The following TMPRSS7 variants were observed in gnomAD, a reference collection of about 807,000 sequenced individuals.
TMPRSS7 encodes transmembrane serine protease 7, also known as transmembrane protease serine 7.
In TMPRSS7, 81 loss-of-function variants were observed where a neutral mutation model predicts 95.6. That is an observed-to-expected ratio of 0.85 (90% CI 0.71 to 1.02). The LOEUF (loss-of-function observed/expected upper bound fraction) is 1.02. Among genes scored for constraint, TMPRSS7 ranks in the 50% least tolerant of loss-of-function variants. The pLI, the probability that TMPRSS7 is intolerant of heterozygous loss-of-function variation, is 0.00. For synonymous variants in TMPRSS7, 364 were observed against 337.8 expected (o/e 1.08, Z -0.85); for missense variants, 945 against 955.2 (o/e 0.99, Z 0.14).
chr3:112,055,093 A>G (rs917011659), intron 9 of TMPRSS7, among the ~76,000 whole-genome samples: 1 of 152,104 alleles, frequency 6.6e-6, no homozygotes, highest in African/African-American at 2.4e-5. Flanking sequence ...CTTAAAAAAA[A>G]TTGATATGTG....
At chr3:112,075,449 A>T in exon 15 of TMPRSS7, 1 of 1,536,420 alleles carries the variant, frequency 6.5e-7, no homozygotes, top group Non-Finnish European at 8.8e-7. Flanking sequence ...AGTCATCTCC[A>T]GGGAGTGGCT....
chr3:112,046,401 T>G (rs1331715261), intron 5 of TMPRSS7, among the ~76,000 whole-genome samples: 2 of 152,210 alleles, frequency 1.3e-5, no homozygotes, highest in African/African-American at 4.8e-5. Flanking sequence ...GTAAAATGGT[T>G]TAATGATTGC....
intron 13 of TMPRSS7, 138 bp downstream of exon 13, chr3:112,066,640 G>T: frequency 1.4e-6 from 1 of 723,992 alleles, no homozygotes; most frequent in Non-Finnish European, 2.3e-6. Context: ...TTTTAGCACT[G>T]AAAGTCCCTT....
chr3:112,067,278 C>T (rs538160133), intron 13 of TMPRSS7, among the ~76,000 whole-genome samples: 5 of 152,184 alleles, frequency 3.3e-5, no homozygotes, highest in African/African-American at 9.6e-5. Context: ...TGAATAGTGC[C>T]GCAATAAACA....
At chr3:112,039,470 C>A (rs2107735365) in intron 2 of TMPRSS7, 1 of 152,216 alleles carries the variant, frequency 6.6e-6, no homozygotes, top group Non-Finnish European at 1.5e-5. Context: ...TGGCTGAAAG[C>A]CCCTAGGTAA....
intron 8 of TMPRSS7, 106 bp downstream of exon 8, chr3:112,050,080 G>C: frequency 8.7e-7 from 1 of 1,150,090 alleles, no homozygotes; most frequent in Non-Finnish European, 1.2e-6. Flanking sequence ...GTATTAGTCT[G>C]GGACTCTGAA....
At chr3:112,067,707 T>C (rs1023199415) in intron 13 of TMPRSS7, among the ~76,000 whole-genome samples, 1 of 152,218 alleles carries the variant, frequency 6.6e-6, no homozygotes, top group Non-Finnish European at 1.5e-5. Flanking sequence ...TTTGTTTGAG[T>C]TCTTTGTAGA....
chr3:112,035,337 C>G (rs955100158), intron 1 of TMPRSS7, among the ~76,000 whole-genome samples: 1 of 152,186 alleles, frequency 6.6e-6, no homozygotes, highest in African/African-American at 2.4e-5. Flanking sequence ...GAAACCCAGT[C>G]CTCATTCCTG....
chr3:112,064,549 TAATAAAACTGCCCAG>T (rs1250112391), intron 12 of TMPRSS7, among the ~76,000 whole-genome samples: 4,539 of 152,084 alleles, frequency 0.03, 190 homozygotes, highest in African/African-American at 0.088. Context: ...ACAATGTCTT[TAATAAAACTGCCCAG>T]GCTGCCCAGG....
intron 12 of TMPRSS7, 46 bp downstream of exon 12, chr3:112,063,678 T>C (rs1426393953): frequency 2.7e-6 from 4 of 1,460,488 alleles, no homozygotes; most frequent in Non-Finnish European, 3.8e-6. Flanking sequence ...AATAAGTAAC[T>C]TCTCAGGACC....
At chr3:112,049,062 C>T (rs566923996) in intron 7 of TMPRSS7, among the ~76,000 whole-genome samples, 7 of 152,300 alleles carry the variant, frequency 4.6e-5, no homozygotes, top group South Asian at 4.1e-4. Context: ...CTGCCGCTTC[C>T]GCCACGTCTC....
intron 12 of TMPRSS7, 24 bp from the exon 13 acceptor site, chr3:112,066,368 T>G: frequency 6.2e-7 from 1 of 1,607,236 alleles, no homozygotes. Context: ...CTCGTGAACT[T>G]TCTGTTTTTA....
At chr3:112,078,049 T>C (rs2073734611) in intron 16 of TMPRSS7, among the ~76,000 whole-genome samples, 1 of 152,342 alleles carries the variant, frequency 6.6e-6, no homozygotes, top group East Asian at 1.9e-4. Context: ...AGCTTCTCAG[T>C]GCTTTCATTT....
intron 13 of TMPRSS7, among the ~76,000 whole-genome samples, chr3:112,073,796 A>G (rs975287542): frequency 6.6e-6 from 1 of 152,236 alleles, no homozygotes; most frequent in Non-Finnish European, 1.5e-5. Context: ...CCTGATGTAG[A>G]GGAACTTGCC....
intron 16 of TMPRSS7, among the ~76,000 whole-genome samples, chr3:112,077,713 T>A (rs73856346): frequency 0.03 from 4,533 of 152,130 alleles, 187 homozygotes; most frequent in African/African-American, 0.088. Flanking sequence ...ACCTTTTTGC[T>A]ATTTCTCTGA....
chr3:112,069,398 T>A (rs370524856), intron 13 of TMPRSS7, among the ~76,000 whole-genome samples: 1 of 152,238 alleles, frequency 6.6e-6, no homozygotes, highest in Non-Finnish European at 1.5e-5. Context: ...TCAGAAGGAA[T>A]GTTACCAGCT....
At chr3:112,074,565 GT>G (rs1348912588) in intron 14 of TMPRSS7, among the ~76,000 whole-genome samples, 153 bp downstream of exon 14, 1 of 152,142 alleles carries the variant, frequency 6.6e-6, no homozygotes, top group African/African-American at 2.4e-5. Flanking sequence ...GTCTGAAATT[GT>G]TTCTCAGAAA....
intron 9 of TMPRSS7, 142 bp from the exon 10 acceptor site, chr3:112,056,883 C>A: frequency 1.9e-6 from 1 of 534,418 alleles, no homozygotes. Context: ...CTCCTTATCC[C>A]GCTTTGTTCA....
chr3:112,044,488 T>C (rs1320409573), intron 4 of TMPRSS7, among the ~76,000 whole-genome samples, 166 bp downstream of exon 4: 1 of 152,182 alleles, frequency 6.6e-6, no homozygotes, highest in Non-Finnish European at 1.5e-5. Context: ...CCCTTCTTTC[T>C]TGCTGTGTTT....
Sources: gnomAD v4.1 joint callset for allele counts (sites outside exome capture counted in the v4.1 genomes callset) on GRCh38, gnomAD v4.1.1 for gene constraint, MANE v1.5 for transcripts, NCBI Gene and HGNC (gene_info 2026-07-23, HGNC 2026-07-21) for gene names.